The following SHISA9 variants were observed in gnomAD, a reference collection of about 807,000 sequenced individuals.
SHISA9 encodes the protein shisa family member 9, also known as protein shisa-9.
SHISA9 carries 13 observed loss-of-function variants against 38.0 expected under a neutral mutation model. The observed-to-expected ratio is 0.34, with a 90% confidence interval of 0.22 to 0.54. The LOEUF is 0.54. Among genes scored for constraint, SHISA9 ranks in the 20% least tolerant of loss-of-function variants. The pLI is 0.91. For synonymous variants in SHISA9, 275 were observed against 242.0 expected (o/e 1.14, Z -1.27); for missense variants, 538 against 575.8 (o/e 0.93, Z 0.67).
At chr16:13,089,974 T>C (rs1447740001) in intron 2 of SHISA9, among the ~76,000 whole-genome samples, 2 of 152,250 alleles carry the variant, frequency 1.3e-5, no homozygotes, top group Non-Finnish European at 2.9e-5. Flanking sequence ...CTGCTTCAAA[T>C]GTGTCCCAGA....
the SHISA9 span, among the ~76,000 whole-genome samples, chr16:13,411,762 T>C: frequency 1.3e-5 from 2 of 152,226 alleles, no homozygotes; most frequent in African/African-American, 4.8e-5. Flanking sequence ...ATTTCATTGG[T>C]TGGAACGTAG....
At chr16:13,421,395 T>C in the SHISA9 span, among the ~76,000 whole-genome samples, 4 of 152,184 alleles carry the variant, frequency 2.6e-5, no homozygotes, top group East Asian at 7.7e-4. Flanking sequence ...AAGGCACTTC[T>C]TACATGGCTG....
At chr16:12,986,770 C>A (rs908755542) in intron 2 of SHISA9, among the ~76,000 whole-genome samples, 1 of 152,162 alleles carries the variant, frequency 6.6e-6, no homozygotes, top group East Asian at 1.9e-4. Flanking sequence ...GACAATTCTA[C>A]GAAGGAGAAG....
chr16:13,357,190 G>A, the SHISA9 span, among the ~76,000 whole-genome samples: 5 of 152,288 alleles, frequency 3.3e-5, no homozygotes, highest in African/African-American at 9.6e-5. Flanking sequence ...GGAAATAAGC[G>A]ACTGGGGGGT....
chr16:13,122,764 G>C (rs939811435), intron 2 of SHISA9, among the ~76,000 whole-genome samples: 1 of 152,170 alleles, frequency 6.6e-6, no homozygotes, highest in Non-Finnish European at 1.5e-5. Context: ...ATATTAAAAA[G>C]GGCTGGGCAT....
intron 2 of SHISA9, among the ~76,000 whole-genome samples, chr16:13,153,803 A>G (rs1209328343): frequency 6.6e-6 from 1 of 152,122 alleles, no homozygotes; most frequent in African/African-American, 2.4e-5. Context: ...TTTTTTCTGC[A>G]ATGTTTGGGA....
intron 2 of SHISA9, among the ~76,000 whole-genome samples, chr16:12,932,335 G>A (rs1419086841): frequency 6.6e-6 from 1 of 152,016 alleles, no homozygotes; most frequent in East Asian, 1.9e-4. Context: ...AAGTGGGTAG[G>A]ATTATCTAGA....
At chr16:13,270,006 G>A in the SHISA9 span, among the ~76,000 whole-genome samples, 11 of 152,084 alleles carry the variant, frequency 7.2e-5, no homozygotes, top group Admixed American at 2.6e-4. Flanking sequence ...CAGAGAGCCT[G>A]ACCCAATTAT....
In SHISA9 at chr16:12,909,273, T is replaced by C. The variant is rs192336809; in HGVS notation, c.563+6646T>C. ...CACACATTGTAAGTGTGTAGTTTGA[T>C]GAGCTTGGACAAATGTCTATACCTG... On this transcript the variant is annotated intron_variant, in intron 1 of 4. Coordinates refer to ENST00000558583, the MANE Select transcript of SHISA9 (RefSeq NM_001145204.3). 6.1e-6 allele frequency: 6 copies of C among 984,808 alleles called. No homozygotes were observed. The East Asian group carries it at 5.7e-4, about 93-fold the overall frequency. 61.0% of individuals were successfully genotyped at this position (984,808 alleles called of 1,614,324 possible).
At chr16:13,261,604 G>A in the SHISA9 span, among the ~76,000 whole-genome samples, 1 of 152,194 alleles carries the variant, frequency 6.6e-6, no homozygotes, top group Non-Finnish European at 1.5e-5. Context: ...AATCCTTGCA[G>A]TGCGATTAAA....
At chr16:13,308,765 A>G in the SHISA9 span, among the ~76,000 whole-genome samples, 1 of 152,220 alleles carries the variant, frequency 6.6e-6, no homozygotes, top group Non-Finnish European at 1.5e-5. Context: ...ATAGGGATGG[A>G]AAAATCCCAC....
chr16:12,975,877 A>G (rs1006159149), intron 2 of SHISA9, among the ~76,000 whole-genome samples: 2 of 144,960 alleles, frequency 1.4e-5, no homozygotes, highest in Non-Finnish European at 3.0e-5. Context: ...TTGAACAGCA[A>G]TTTTTTTTTT....
chr16:13,198,099 C>T (rs1243577349), intron 2 of SHISA9, among the ~76,000 whole-genome samples: 1 of 152,054 alleles, frequency 6.6e-6, no homozygotes, highest in Non-Finnish European at 1.5e-5. Context: ...GCAGGAGAAT[C>T]ACTTGAACCT....
At chr16:13,502,376 C>T in the SHISA9 span, among the ~76,000 whole-genome samples, 1 of 152,104 alleles carries the variant, frequency 6.6e-6, no homozygotes, top group Non-Finnish European at 1.5e-5. Flanking sequence ...GTAGCCTTCA[C>T]CTAGGAAGGC....
At chr16:13,445,383 G>C in the SHISA9 span, among the ~76,000 whole-genome samples, 3 of 152,100 alleles carry the variant, frequency 2.0e-5, no homozygotes, top group Non-Finnish European at 4.4e-5. Flanking sequence ...TGGAGATAAA[G>C]GTTGTGTCCT....
chr16:12,916,448 G>C (rs1297033977), intron 1 of SHISA9, among the ~76,000 whole-genome samples: 2 of 152,156 alleles, frequency 1.3e-5, no homozygotes, highest in African/African-American at 4.8e-5. Flanking sequence ...GGGGTAGATA[G>C]TCCTGTTATT....
intron 2 of SHISA9, among the ~76,000 whole-genome samples, chr16:13,103,919 A>T (rs1176699343): frequency 6.6e-6 from 1 of 152,006 alleles, no homozygotes; most frequent in Non-Finnish European, 1.5e-5. Flanking sequence ...TCTCTCCCCC[A>T]TTCTGGGATA....
the SHISA9 span, among the ~76,000 whole-genome samples, chr16:13,543,772 G>A: frequency 1.3e-5 from 2 of 152,120 alleles, no homozygotes; most frequent in African/African-American, 4.8e-5. Context: ...GATAATGCTC[G>A]CCTCTGAGTA....
At chr16:13,515,686 C>T in the SHISA9 span, among the ~76,000 whole-genome samples, 2 of 151,598 alleles carry the variant, frequency 1.3e-5, no homozygotes, top group Non-Finnish European at 2.9e-5. Flanking sequence ...TATTTTAAAT[C>T]TTCTTCCCTG....
Sources: gnomAD v4.1 joint callset for allele counts (sites outside exome capture counted in the v4.1 genomes callset) on GRCh38, gnomAD v4.1.1 for gene constraint, MANE v1.5 for transcripts, NCBI Gene and HGNC (gene_info 2026-07-23, HGNC 2026-07-21) for gene names.